The following ELF4 variants were observed in gnomAD, a reference collection of about 807,000 sequenced individuals.
The protein encoded by ELF4 is ETS-related transcription factor Elf-4.
Under a neutral mutation model 31.7 loss-of-function variants are expected in ELF4, and 10 were observed. The ratio of observed to expected loss-of-function variants is 0.32; its 90% CI spans 0.19 to 0.54. The LOEUF (loss-of-function observed/expected upper bound fraction) is 0.54. ELF4 is among the 20% of genes least tolerant of loss of function. The pLI is 0.95. For synonymous variants in ELF4, 208 were observed against 226.7 expected (o/e 0.92, Z 0.74); for missense variants, 418 against 522.0 (o/e 0.80, Z 1.94).
At chrX:130,083,360 CT>C (rs1410578995) in intron 1 of ELF4, among the ~76,000 whole-genome samples, 4 of 105,699 alleles carry the variant, frequency 3.8e-5, no homozygotes, top group Non-Finnish European at 5.8e-5. Context: ...TCTGTCCCCC[CT>C]GCCCCCCCAG....
At chrX:130,067,874 G>A (rs1461623317) in intron 8 of ELF4, among the ~76,000 whole-genome samples, 1 of 110,488 alleles carries the variant, frequency 9.1e-6, no homozygotes, top group Non-Finnish European at 1.9e-5. Context: ...GTGCAGTAGT[G>A]CAATCTTGGC....
chrX:130,082,327 CCT>C (rs1932898151), intron 1 of ELF4, among the ~76,000 whole-genome samples: 1 of 111,451 alleles, frequency 9.0e-6, no homozygotes, highest in Non-Finnish European at 1.9e-5. Context: ...TCAGCACCCC[CCT>C]CTCACCACTA....
upstream of ELF4, among the ~76,000 whole-genome samples, chrX:130,111,587 C>T (rs1933490891): frequency 8.9e-6 from 1 of 111,941 alleles, no homozygotes; most frequent in African/African-American, 3.2e-5. Context: ...GAAGTCGAGT[C>T]TAGGACTCCT....
At chrX:130,101,399 A>G (rs1266443700) in intron 1 of ELF4, among the ~76,000 whole-genome samples, 1 of 112,605 alleles carries the variant, frequency 8.9e-6, no homozygotes, top group African/African-American at 3.2e-5. Context: ...ACAAATGCAT[A>G]ATAAAGTTAA....
chrX:130,072,059 A>T (rs1234578679), intron 5 of ELF4, among the ~76,000 whole-genome samples, 167 bp downstream of exon 5: 2 of 112,043 alleles, frequency 1.8e-5, no homozygotes. Context: ...ATGTCAGGCT[A>T]CAGGCAGACT....
intron 1 of ELF4, among the ~76,000 whole-genome samples, chrX:130,083,832 C>A (rs3838193): frequency 2.4e-3 from 247 of 103,228 alleles, no homozygotes; most frequent in African/African-American, 8.1e-3. Flanking sequence ...GGATGGATGG[C>A]TGGATGGATG....
chrX:130,070,553 T>G (rs1277711498), intron 7 of ELF4, among the ~76,000 whole-genome samples: 1 of 106,919 alleles, frequency 9.4e-6, no homozygotes, highest in Non-Finnish European at 1.9e-5. Flanking sequence ...CCAGCCTGGG[T>G]GACAGAGCAA....
At chrX:130,070,818 A>T (rs1188961916) in intron 7 of ELF4, among the ~76,000 whole-genome samples, 1 of 104,562 alleles carries the variant, frequency 9.6e-6, no homozygotes, top group Admixed American at 1.0e-4. Flanking sequence ...AAAGAAAGAA[A>T]AAGGAAAAGA....
At chrX:130,099,568 C>G (rs762671559) in intron 1 of ELF4, among the ~76,000 whole-genome samples, 1 of 111,214 alleles carries the variant, frequency 9.0e-6, no homozygotes, top group Non-Finnish European at 1.9e-5. Flanking sequence ...GAGCGATACT[C>G]CGTCTCAAAA....
rs1261304475 is a variant in ELF4, at chrX:130,064,380, G to A, written c.*2341C>T. 1.8e-5 allele frequency among the ~76,000 whole-genome samples: 2 copies of A among 112,208 alleles called. No homozygotes were observed. The highest frequency in any genetic ancestry group is 6.5e-5 in the African/African-American group (2 of 30,865). Reference sequence around the variant, plus strand: ...TTGAGCCTGGGAGGCAGAGGTTGCAGTGAACCGAGATTGCACCACTGCACT... The same window carrying A: ...TTGAGCCTGGGAGGCAGAGGTTGCAATGAACCGAGATTGCACCACTGCACT... On this transcript the variant is annotated 3_prime_UTR_variant, in exon 9 of 9. Transcript: ENST00000308167.
chrX:130,104,217 A>G (rs888071917), intron 1 of ELF4, among the ~76,000 whole-genome samples: 1 of 110,320 alleles, frequency 9.1e-6, no homozygotes, highest in African/African-American at 3.3e-5. Context: ...CAATGTTAGT[A>G]CAAATATTAA....
In ELF4 at chrX:130,083,634, G is replaced by C. The variant is rs1029823898; in HGVS notation, c.-209-2095C>G. 2.0e-4 allele frequency among the ~76,000 whole-genome samples: 22 copies of C among 111,574 alleles called. No homozygotes were observed. In the Admixed American group the frequency reaches 2.1e-3, roughly 11 times the overall value. On this transcript the variant is annotated intron_variant, in intron 1 of 8. Coordinates refer to ENST00000308167, the MANE Select transcript of ELF4 (RefSeq NM_001421.4). ...TTCACTGCTGGTGCTGTCTGCCTGG[G>C]CTACTTTTATGTACCTTCCTTACCT...
At chrX:130,106,253 G>A (rs1236265936) in intron 1 of ELF4, among the ~76,000 whole-genome samples, 1 of 108,749 alleles carries the variant, frequency 9.2e-6, no homozygotes, top group Non-Finnish European at 1.9e-5. Context: ...GCTGGCCTCT[G>A]CTCCAACAAG....
At chrX:130,069,739 T>C in intron 7 of ELF4, 62 bp from the exon 8 acceptor site, 1 of 1,194,212 alleles carries the variant, frequency 8.4e-7, no homozygotes, top group South Asian at 1.8e-5. Flanking sequence ...ACCTTCTACC[T>C]CCATCTCCCC....
chrX:130,100,452 C>T (rs1364083809), intron 1 of ELF4, among the ~76,000 whole-genome samples: 1 of 55,478 alleles, frequency 1.8e-5, no homozygotes, highest in African/African-American at 7.4e-5. Context: ...GATTTCCCAA[C>T]TTAAGCCTGG....
chrX:130,107,624 C>A (rs1446419171), intron 1 of ELF4, among the ~76,000 whole-genome samples: 3 of 112,445 alleles, frequency 2.7e-5, no homozygotes, highest in Admixed American at 1.9e-4. Context: ...TTCCTCACTG[C>A]CACTTCATTG....
chrX:130,091,026 T>C (rs1313034222), intron 1 of ELF4, among the ~76,000 whole-genome samples: 4 of 111,522 alleles, frequency 3.6e-5, no homozygotes, highest in Non-Finnish European at 7.5e-5. Flanking sequence ...GTTGTCCAGG[T>C]TGGTCTCAAA....
rs1385762173 is a variant in ELF4, at chrX:130,064,175, C to T, written c.*2546G>A. On this transcript the variant is annotated 3_prime_UTR_variant, in exon 9 of 9. Transcript: ENST00000308167. Reference sequence around the variant, plus strand: ...ATTGTTGGCCAGCCGTGGTTGCTCACGCCTGTAATCCCAGCACTTTGGGAG... The same window carrying T: ...ATTGTTGGCCAGCCGTGGTTGCTCATGCCTGTAATCCCAGCACTTTGGGAG... Among the ~76,000 whole-genome samples the T allele has an allele frequency of 9.0e-6, 1 of 110,764 alleles. No homozygotes were observed. The highest frequency in any genetic ancestry group is 1.9e-5 in the Non-Finnish European group (1 of 52,955).
rs775578773 is a variant in ELF4 at position 130,106,476 on chromosome X, A to G, written c.-210+3849T>C. ...CAGAACCCTCATAAGCACCCCGACC[A>G]GCAGTTTCTTGGCAACCAGCACTGG... On this transcript the variant is annotated intron_variant, in intron 1 of 8. Transcript: ENST00000308167. Among the ~76,000 whole-genome samples the G allele has an allele frequency of 7.2e-5, 8 of 111,506 alleles. No homozygotes were observed. In the East Asian group the frequency reaches 2.2e-3, roughly 31 times the overall value.
Sources: allele counts gnomAD v4.1 joint callset (sites outside exome capture counted in the v4.1 genomes callset), GRCh38; gene constraint gnomAD v4.1.1; transcripts MANE v1.5; gene names NCBI Gene and HGNC (gene_info 2026-07-23, HGNC 2026-07-21).